Variants in SOX5 observed in about 807,000 individuals in gnomAD.
SOX5 encodes the protein transcription factor SOX-5.
SOX5 carries 9 observed loss-of-function variants against 92.0 expected under a neutral mutation model. The observed-to-expected ratio is 0.10, with a 90% CI of 0.06 to 0.17. The LOEUF (loss-of-function observed/expected upper bound fraction) is 0.17, where lower values mean the gene tolerates loss of function less well. SOX5 is among the 10% of genes least tolerant of loss of function. SOX5 has a pLI of 1.00. For missense variants in SOX5, 642 were observed against 944.5 expected, an observed-to-expected ratio of 0.68 and a Z score of 4.20; for synonymous variants, 344 against 336.3, an observed-to-expected ratio of 1.02 and a Z score of -0.25.
chr12:23,841,059 G>A (rs1480650197), intron 3 of SOX5, among the ~76,000 whole-genome samples: 1 of 151,984 alleles, frequency 6.6e-6, no homozygotes, highest in Non-Finnish European at 1.5e-5. Flanking sequence ...GCTGCAGACT[G>A]GTAGAAATAT....
intron 2 of SOX5, among the ~76,000 whole-genome samples, chr12:24,341,939 C>T (rs1339552750): frequency 6.6e-6 from 1 of 152,180 alleles, no homozygotes; most frequent in East Asian, 1.9e-4. Flanking sequence ...TAGCTTCTGG[C>T]TACTGATAGT....
chr12:24,424,088 G>A (rs145409500), intron 1 of SOX5, among the ~76,000 whole-genome samples: 212 of 152,270 alleles, frequency 1.4e-3, no homozygotes, highest in African/African-American at 4.9e-3. Context: ...TCTGCTACCT[G>A]TGGCAGCTGA....
At chr12:24,273,240 C>T (rs1476752366) in intron 3 of SOX5, among the ~76,000 whole-genome samples, 1 of 152,152 alleles carries the variant, frequency 6.6e-6, no homozygotes, top group Non-Finnish European at 1.5e-5. Context: ...GCCTGGGCCA[C>T]CCAGTGAGAC....
chr12:24,365,403 C>T (rs775127465), intron 2 of SOX5, among the ~76,000 whole-genome samples: 1 of 151,944 alleles, frequency 6.6e-6, no homozygotes, highest in Non-Finnish European at 1.5e-5. Context: ...CTTGTCTTCA[C>T]CTTGTTAAAA....
At chr12:24,295,271 C>T (rs548949433) in intron 2 of SOX5, among the ~76,000 whole-genome samples, 35 of 152,208 alleles carry the variant, frequency 2.3e-4, no homozygotes, top group African/African-American at 7.7e-4. Flanking sequence ...GCTAGAGGAT[C>T]TTCATACTCT....
At chr12:24,523,146 A>G (rs1161552752) in intron 1 of SOX5, among the ~76,000 whole-genome samples, 3 of 152,178 alleles carry the variant, frequency 2.0e-5, no homozygotes, top group Non-Finnish European at 4.4e-5. Flanking sequence ...GGAAAACAAT[A>G]TCACCAAAAA....
At chr12:23,818,252 T>C (rs7305773) in intron 3 of SOX5, among the ~76,000 whole-genome samples, 17,457 of 152,198 alleles carry the variant, frequency 0.11, 1,139 homozygotes, top group Non-Finnish European at 0.15. Context: ...TGTAGCCTAC[T>C]ACACACATAG....
chr12:23,974,747 A>G (rs1290375799), intron 4 of SOX5, among the ~76,000 whole-genome samples: 2 of 152,188 alleles, frequency 1.3e-5, no homozygotes, highest in African/African-American at 4.8e-5. Flanking sequence ...GAAATGATGC[A>G]GAAAAAGGGA....
chr12:24,558,594 G>T (rs570206787), intron 1 of SOX5, among the ~76,000 whole-genome samples: 12 of 152,174 alleles, frequency 7.9e-5, no homozygotes, highest in Admixed American at 5.9e-4. Flanking sequence ...TAAGCAAAAG[G>T]TTAGATCTTT....
chr12:23,711,897 C>A (rs1270926028), intron 6 of SOX5, among the ~76,000 whole-genome samples: 1 of 152,096 alleles, frequency 6.6e-6, no homozygotes, highest in Non-Finnish European at 1.5e-5. Context: ...CACCATTTAC[C>A]AAGTACCCTC....
chr12:24,312,352 G>T (rs749859963), intron 2 of SOX5, among the ~76,000 whole-genome samples: 8 of 152,116 alleles, frequency 5.3e-5, no homozygotes, highest in Non-Finnish European at 1.0e-4. Flanking sequence ...TAAATAATCC[G>T]ATTCTTTGCC....
At chr12:24,412,415 G>T (rs1377825982) in intron 1 of SOX5, among the ~76,000 whole-genome samples, 3 of 151,848 alleles carry the variant, frequency 2.0e-5, no homozygotes, top group Non-Finnish European at 4.4e-5. Flanking sequence ...GTACCTGTGT[G>T]GTGTGCCATA....
chr12:24,561,580 A>G (rs1954346663), intron 1 of SOX5, among the ~76,000 whole-genome samples: 1 of 152,306 alleles, frequency 6.6e-6, no homozygotes, highest in East Asian at 1.9e-4. Flanking sequence ...ACCCGCGCTT[A>G]AAGTGACACA....
Position 23,683,577 on chromosome 12 carries a change from A to T in SOX5, c.811-18013T>A, listed in dbSNP as rs528819325. 3.1e-3 allele frequency among the ~76,000 whole-genome samples: 471 copies of T among 152,062 alleles called. 3 individuals are homozygous for T. The highest frequency in any genetic ancestry group is 0.011 in the African/African-American group (453 of 41,560). Reference sequence around the variant, plus strand: ...GGTTCTCAATACCACACATGAATTTAGGAAGACCTGATCCTCATCACAGGA... The same window carrying T: ...GGTTCTCAATACCACACATGAATTTTGGAAGACCTGATCCTCATCACAGGA... On this transcript the variant is annotated intron_variant, in intron 6 of 14. Coordinates refer to ENST00000451604, the MANE Select transcript of SOX5 (RefSeq NM_006940.6).
chr12:24,401,459 C>G (rs1488513877), intron 1 of SOX5, among the ~76,000 whole-genome samples: 1 of 151,750 alleles, frequency 6.6e-6, no homozygotes, highest in African/African-American at 2.4e-5. Flanking sequence ...CCTGTAATCC[C>G]AGAGCTTTGG....
intron 3 of SOX5, among the ~76,000 whole-genome samples, chr12:24,219,041 T>A (rs1306989947): frequency 6.6e-6 from 1 of 152,082 alleles, no homozygotes; most frequent in Non-Finnish European, 1.5e-5. Flanking sequence ...TAGAATTTTG[T>A]AAAACCATAG....
At chr12:24,135,371 A>T (rs1408709942) in intron 4 of SOX5, among the ~76,000 whole-genome samples, 2 of 152,192 alleles carry the variant, frequency 1.3e-5, no homozygotes, top group African/African-American at 4.8e-5. Context: ...TTGTCATAGG[A>T]ATTCCATGTT....
chr12:24,262,734 G>T (rs905628341), intron 3 of SOX5, among the ~76,000 whole-genome samples: 3 of 152,092 alleles, frequency 2.0e-5, no homozygotes, highest in African/African-American at 7.2e-5. Context: ...TAACATTTTT[G>T]AAGACAAAGG....
intron 4 of SOX5, among the ~76,000 whole-genome samples, chr12:23,995,431 A>G (rs1459160458): frequency 2.0e-5 from 3 of 152,216 alleles, no homozygotes; most frequent in Non-Finnish European, 2.9e-5. Context: ...ACAGTGACTC[A>G]CGACTATAAT....
Sources: allele counts gnomAD v4.1 joint callset (sites outside exome capture counted in the v4.1 genomes callset), GRCh38; gene constraint gnomAD v4.1.1; transcripts MANE v1.5; gene names NCBI Gene and HGNC (gene_info 2026-07-23, HGNC 2026-07-21).